Variants in GUCY2C observed in about 807,000 individuals in gnomAD.
GUCY2C encodes the protein guanylate cyclase 2C.
GUCY2C carries 118 observed loss-of-function variants against 131.1 expected under a neutral mutation model. The ratio of observed to expected loss-of-function variants is 0.90; its 90% CI spans 0.78 to 1.05. The LOEUF (loss-of-function observed/expected upper bound fraction) is 1.05, where lower values mean the gene tolerates loss of function less well. Among genes scored for constraint, GUCY2C ranks in the 50% least tolerant of loss-of-function variants. The probability of loss-of-function intolerance (pLI) is 0.00; values close to 1 mark genes in which losing one functional copy is unlikely to be tolerated. For synonymous variants in GUCY2C, 452 were observed against 457.8 expected (o/e 0.99, Z 0.16); for missense variants, 1,161 against 1,304.4 (o/e 0.89, Z 1.69).
At chr12:14,665,693 C>G (rs1947964996) in intron 10 of GUCY2C, 1 of 152,130 alleles carries the variant, frequency 6.6e-6, no homozygotes, top group African/African-American at 2.4e-5. Flanking sequence ...ATTGCTATTT[C>G]CCAGGTGCTC....
Position 14,684,276 on chromosome 12 carries a change from C to T in GUCY2C, c.396-1019G>A, listed in dbSNP as rs1235826395. Among the ~76,000 whole-genome samples, 5 of 152,304 alleles carry T rather than the reference C, an allele frequency of 3.3e-5. No individual in the cohort carries two copies. The East Asian group carries it at 9.6e-4, about 29-fold the overall frequency. On this transcript the variant is annotated intron_variant, in intron 3 of 26. Transcript: ENST00000261170. ...ATTATTCCCCTATACATTTCCTGAA[C>T]TCTGGTTAATACAGAGTTCTTCATT...
chr12:14,643,105 T>C (rs1947442023), intron 17 of GUCY2C, among the ~76,000 whole-genome samples: 1 of 152,248 alleles, frequency 6.6e-6, no homozygotes, highest in South Asian at 2.1e-4. Flanking sequence ...TATATTTTAC[T>C]GGTTAGAGTT....
rs773572188 is a variant in GUCY2C, at chr12:14,674,547, C to T, written c.1084+78G>A. ...GCTGTGGAATCATCTATTGCTAAAC[C>T]TTCTTTGTTGCCCCAAATCCACTCA... On this transcript the variant is annotated intron_variant, in intron 8 of 26. Transcript: ENST00000261170. 1.6e-5 allele frequency: 22 copies of T among 1,353,684 alleles called. No individual in the cohort carries two copies. The Middle Eastern group carries it at 5.4e-4, about 33-fold the overall frequency. 83.9% of individuals were successfully genotyped at this position (1,353,684 alleles called of 1,614,324 possible).
At chr12:14,668,396 G>C (rs7974067) in intron 10 of GUCY2C, among the ~76,000 whole-genome samples, 150,487 of 152,262 alleles carry the variant, frequency 0.99, 74,383 homozygotes, top group Middle Eastern at 1. Context: ...GTCTCGAACT[G>C]CTGACCTCGT....
At chr12:14,629,100 G>A (rs1947089328) in intron 19 of GUCY2C, among the ~76,000 whole-genome samples, 1 of 152,138 alleles carries the variant, frequency 6.6e-6, no homozygotes, top group Non-Finnish European at 1.5e-5. Flanking sequence ...CTGACTGAGT[G>A]GTTAAGTTAA....
At chr12:14,641,056 G>C in intron 18 of GUCY2C, 26 bp downstream of exon 18, 1 of 1,609,892 alleles carries the variant, frequency 6.2e-7, no homozygotes, top group Non-Finnish European at 8.5e-7. Context: ...CTCCCAGAGG[G>C]GACACATGAA....
At chr12:14,617,543 G>C (rs1195233950) in intron 24 of GUCY2C, among the ~76,000 whole-genome samples, 1 of 152,156 alleles carries the variant, frequency 6.6e-6, no homozygotes, top group Non-Finnish European at 1.5e-5. Flanking sequence ...TGAAGATTCG[G>C]GAGAGTTGAG....
At chr12:14,688,228 G>A (rs560811644) in intron 1 of GUCY2C, among the ~76,000 whole-genome samples, 165 bp from the exon 2 acceptor site, 13 of 152,024 alleles carry the variant, frequency 8.6e-5, no homozygotes, top group African/African-American at 2.9e-4. Context: ...TCCTCTGTGT[G>A]TCTCTGTCTC....
At chr12:14,625,622 C>T (rs781278343) in intron 21 of GUCY2C, 135 bp downstream of exon 21, 49 of 860,308 alleles carry the variant, frequency 5.7e-5, no homozygotes, top group African/African-American at 1.2e-4. Context: ...CGTGAGCCTC[C>T]GTGCCTGGCA....
At chr12:14,627,433 T>C (rs1259255523) in intron 20 of GUCY2C, among the ~76,000 whole-genome samples, 1 of 152,296 alleles carries the variant, frequency 6.6e-6, no homozygotes, top group South Asian at 2.1e-4. Flanking sequence ...TTGGGTAGAA[T>C]GGATGTGGGA....
At chr12:14,672,092 T>A (rs1427770145) in intron 9 of GUCY2C, among the ~76,000 whole-genome samples, 4 of 141,574 alleles carry the variant, frequency 2.8e-5, no homozygotes, top group East Asian at 2.1e-4. Flanking sequence ...GAAAAAAAAA[T>A]GAATAAATTT....
In GUCY2C at chr12:14,681,434, C is replaced by T. The variant is rs569162034; in HGVS notation, c.655G>A (p.Glu219Lys). The change falls in exon 5 of 27, where the codon GAA (glutamate) becomes AAA (lysine). Residue 219 changes from glutamate (E) to lysine (K), a missense_variant. Glu to Lys is a moderately conservative substitution (Grantham distance 56, BLOSUM62 1). Coordinates refer to ENST00000261170, the MANE Select transcript of GUCY2C (RefSeq NM_004963.4). ...LEASVSYFSH[E>K]LGFKVVLRQD... ...CTTAACACCACCTTAAAGCCGAGTT[C>T]GTGGGAGAAATAGGAAACGCTAGCC... 56 of 1,612,250 alleles carry T rather than the reference C, an allele frequency of 3.5e-5. No homozygotes were observed. In the South Asian group the frequency reaches 4.5e-4, roughly 13 times the overall value.
chr12:14,639,024 G>A (rs1371908102), intron 19 of GUCY2C, among the ~76,000 whole-genome samples: 1 of 152,106 alleles, frequency 6.6e-6, no homozygotes, highest in Non-Finnish European at 1.5e-5. Flanking sequence ...AGGCGCGGTG[G>A]CTTACACCTA....
At chr12:14,627,715 T>G (rs1239883340) in intron 20 of GUCY2C, among the ~76,000 whole-genome samples, 1 of 152,084 alleles carries the variant, frequency 6.6e-6, no homozygotes, top group Non-Finnish European at 1.5e-5. Context: ...AGTTTCTTCA[T>G]GAGCATACAT....
intron 23 of GUCY2C, 33 bp downstream of exon 23, chr12:14,621,009 G>A: frequency 6.3e-7 from 1 of 1,576,056 alleles, no homozygotes; most frequent in Non-Finnish European, 8.7e-7. Context: ...AGTACATATG[G>A]TTCCCAATTT....
intron 18 of GUCY2C, 145 bp from the exon 19 acceptor site, chr12:14,640,095 T>A: frequency 3.2e-6 from 2 of 624,012 alleles, no homozygotes; most frequent in Admixed American, 5.5e-5. Flanking sequence ...CAGCACTCAG[T>A]AGACAGGTGT....
intron 21 of GUCY2C, 44 bp downstream of exon 21, chr12:14,625,713 T>C: frequency 6.3e-7 from 1 of 1,593,784 alleles, no homozygotes; most frequent in Non-Finnish European, 8.6e-7. Flanking sequence ...TGAAAAGCAA[T>C]GCTAGAGGGA....
chr12:14,613,646 C>T lies in GUCY2C; in HGVS notation c.3048-355G>A, dbSNP rs1317514209. On this transcript the variant is annotated intron_variant, in intron 26 of 26. Transcript: ENST00000261170. This position sits in a 1 kb window ranked among gnomAD's most constrained non-coding sequence, Gnocchi z 4.9. ...TGAAAACTCATTGGTCCCACACATACTTAACAGTGTGAGTCTTGTTTGGGG... is the reference window on the plus strand; with the variant it reads ...TGAAAACTCATTGGTCCCACACATATTTAACAGTGTGAGTCTTGTTTGGGG... 6.6e-6 allele frequency among the ~76,000 whole-genome samples: 1 copy of T among 152,114 alleles called. No individual in the cohort carries two copies. Among genetic ancestry groups the T allele is most frequent in the Non-Finnish European group, 1.5e-5 (1 of 68,010 alleles).
rs144926078 is a variant in GUCY2C at position 14,679,755 on chromosome 12, T to C, written c.734-2A>G. ...CTGGACCACCACACATAATAATCACTGGAGGAGAAGGTAAGACAAGGAGAG... is the reference window on the plus strand; with the variant it reads ...CTGGACCACCACACATAATAATCACCGGAGGAGAAGGTAAGACAAGGAGAG... On this transcript the variant is annotated splice_acceptor_variant, in intron 5 of 26. Transcript: ENST00000261170. LOFTEE classifies it high-confidence loss of function. The C allele has an allele frequency of 2.7e-6, 4 of 1,499,900 alleles. No individual in the cohort carries two copies. Among genetic ancestry groups the C allele is most frequent in the Non-Finnish European group, 3.7e-6 (4 of 1,076,198 alleles). 92.9% of individuals were successfully genotyped at this position (1,499,900 alleles called of 1,614,324 possible). A position where few individuals can be genotyped will look rare whatever the true frequency, so the allele number is the denominator to read the frequency against.
Sources: allele counts gnomAD v4.1 joint callset (sites outside exome capture counted in the v4.1 genomes callset), GRCh38; gene constraint gnomAD v4.1.1; non-coding constraint Gnocchi (gnomAD v3.1); transcripts MANE v1.5; gene names NCBI Gene and HGNC (gene_info 2026-07-23, HGNC 2026-07-21).